The following KCNK2 variants were observed in gnomAD, a reference collection of about 807,000 sequenced individuals.
KCNK2 encodes the protein potassium channel subfamily K member 2.
KCNK2 carries 21 observed loss-of-function variants against 40.5 expected under a neutral mutation model. That is an observed-to-expected ratio of 0.52 (90% confidence interval 0.37 to 0.75). The LOEUF is 0.75. Ranked by LOEUF, KCNK2 falls within the 30% of genes least tolerant of loss-of-function variation. The pLI is 0.00. For missense variants in KCNK2, 399 were observed against 531.6 expected, an observed-to-expected ratio of 0.75 and a Z score of 2.45; for synonymous variants, 191 against 202.2, an observed-to-expected ratio of 0.94 and a Z score of 0.47.
At chr1:215,169,584 A>T (rs987144988) in intron 4 of KCNK2, among the ~76,000 whole-genome samples, 1 of 152,040 alleles carries the variant, frequency 6.6e-6, no homozygotes, top group African/African-American at 2.4e-5. Context: ...TATAAACAGA[A>T]AAAAGTAGGA....
chr1:215,034,489 A>G (rs1445182840), intron 1 of KCNK2, among the ~76,000 whole-genome samples: 1 of 152,114 alleles, frequency 6.6e-6, no homozygotes, highest in East Asian at 1.9e-4. Flanking sequence ...TAACTTTATA[A>G]GTAACCGTCT....
intron 2 of KCNK2, among the ~76,000 whole-genome samples, chr1:215,089,684 G>A (rs956338996): frequency 6.6e-6 from 1 of 152,122 alleles, no homozygotes. Context: ...AGACAAGGTT[G>A]AGGAGGGGCA....
At chr1:215,128,173 T>C (rs1661517269) in intron 3 of KCNK2, among the ~76,000 whole-genome samples, 1 of 152,264 alleles carries the variant, frequency 6.6e-6, no homozygotes, top group South Asian at 2.1e-4. Flanking sequence ...TTTTCCTTAG[T>C]AGGCATTGTC....
intron 2 of KCNK2, among the ~76,000 whole-genome samples, chr1:215,118,121 G>A (rs529397962): frequency 3.3e-5 from 5 of 152,132 alleles, no homozygotes; most frequent in Non-Finnish European, 7.4e-5. Flanking sequence ...GAAATTCTGA[G>A]CCTGTAAGAG....
At chr1:215,013,170 G>C (rs1246371323) in intron 1 of KCNK2, among the ~76,000 whole-genome samples, 1 of 152,100 alleles carries the variant, frequency 6.6e-6, no homozygotes, top group Admixed American at 6.6e-5. Context: ...AAGATATGAG[G>C]TGTGGGTCAA....
intron 5 of KCNK2, among the ~76,000 whole-genome samples, chr1:215,173,862 G>T (rs1459668991): frequency 6.6e-6 from 1 of 152,150 alleles, no homozygotes; most frequent in Non-Finnish European, 1.5e-5. Flanking sequence ...TGTAGATTCT[G>T]GATATTAGCC....
At chr1:215,092,397 A>G (rs1455608190) in intron 2 of KCNK2, among the ~76,000 whole-genome samples, 1 of 152,128 alleles carries the variant, frequency 6.6e-6, no homozygotes, top group African/African-American at 2.4e-5. Context: ...TCAGTTATAC[A>G]TGCTTTAGTT....
chr1:215,206,046 A>G (rs1665302726), intron 6 of KCNK2, among the ~76,000 whole-genome samples: 1 of 152,146 alleles, frequency 6.6e-6, no homozygotes, highest in Non-Finnish European at 1.5e-5. Flanking sequence ...GTTCAAGTAA[A>G]ATAGAGCAAC....
chr1:215,160,546 G>C (rs1333426085), intron 3 of KCNK2, among the ~76,000 whole-genome samples: 1 of 152,160 alleles, frequency 6.6e-6, no homozygotes, highest in Non-Finnish European at 1.5e-5. Flanking sequence ...TACCCAATTT[G>C]TTGCTAAATC....
In KCNK2 at chr1:215,214,341, C is replaced by T. The variant is rs115426134; in HGVS notation, c.963+19249C>T. Among the ~76,000 whole-genome samples the T allele has an allele frequency of 2.8e-3, 423 of 152,236 alleles. 1 individual carries two copies. Among genetic ancestry groups the T allele is most frequent in the African/African-American group, 9.6e-3 (398 of 41,542 alleles). On this transcript the variant is annotated intron_variant, in intron 6 of 6. Transcript: ENST00000444842. Reference sequence around the variant, plus strand: ...TCTTACAGTAACTCACTCACTATCACGAGAACAGTAAGGGTGAAATCTGTC... The same window carrying T: ...TCTTACAGTAACTCACTCACTATCATGAGAACAGTAAGGGTGAAATCTGTC...
intron 3 of KCNK2, among the ~76,000 whole-genome samples, chr1:215,163,844 C>T (rs1017158126): frequency 1.3e-5 from 2 of 152,044 alleles, no homozygotes; most frequent in Admixed American, 6.6e-5. Flanking sequence ...AGGATTTTTG[C>T]CTCGATGTTC....
intron 2 of KCNK2, among the ~76,000 whole-genome samples, chr1:215,111,338 G>A (rs1329864488): frequency 6.6e-6 from 1 of 152,024 alleles, no homozygotes; most frequent in Non-Finnish European, 1.5e-5. Flanking sequence ...TCACCATTGA[G>A]TATAATGTTA....
rs568448994 is a variant in KCNK2 at position 215,021,800 on chromosome 1, G to T, written c.34+15845G>T. On this transcript the variant is annotated intron_variant, in intron 1 of 6. Coordinates refer to the KCNK2 transcript ENST00000391895. ...CCTGACCTCGTCATCCGCCCGCCTC[G>T]GCCTCCCACGCCTGCTGGGATTACA... Among the ~76,000 whole-genome samples, 6 of 152,012 alleles carry T rather than the reference G, an allele frequency of 3.9e-5. No homozygotes were observed. The East Asian group carries it at 7.8e-4, about 20-fold the overall frequency.
chr1:215,145,939 A>T (rs904501009), intron 3 of KCNK2, among the ~76,000 whole-genome samples: 1 of 152,178 alleles, frequency 6.6e-6, no homozygotes, highest in Non-Finnish European at 1.5e-5. Flanking sequence ...TATTTAAATA[A>T]CACATGAATT....
upstream of KCNK2, among the ~76,000 whole-genome samples, chr1:215,079,940 T>C (rs1017024400): frequency 1.3e-5 from 2 of 152,200 alleles, no homozygotes; most frequent in Non-Finnish European, 2.9e-5. Flanking sequence ...TGTTACAGTC[T>C]GAAATTTTAT....
intron 5 of KCNK2, among the ~76,000 whole-genome samples, chr1:215,183,575 C>G (rs768019335): frequency 7.9e-5 from 12 of 152,202 alleles, no homozygotes; most frequent in Non-Finnish European, 1.6e-4. Context: ...ATATTTCCCA[C>G]TATTACTATT....
chr1:215,137,702 T>C (rs1048046772), intron 3 of KCNK2, among the ~76,000 whole-genome samples: 6 of 152,348 alleles, frequency 3.9e-5, no homozygotes, highest in Admixed American at 6.5e-5. Context: ...AGATGAATGA[T>C]AATAATTGCA....
rs189895994 is a variant in KCNK2 at position 215,190,655 on chromosome 1, G to A, written c.824-4298G>A. Among the ~76,000 whole-genome samples the A allele has an allele frequency of 3.9e-5, 6 of 152,286 alleles. No individual in the cohort carries two copies. In the East Asian group the frequency reaches 1.2e-3, roughly 29 times the overall value. On this transcript the variant is annotated intron_variant, in intron 5 of 6. Transcript: ENST00000444842. ...TGGTCTTTCATTCCTGAGTTCCAAA[G>A]AGACCATGAGAGTGATGGCAATTGG...
intron 6 of KCNK2, among the ~76,000 whole-genome samples, chr1:215,212,016 C>T (rs1005621818): frequency 6.6e-6 from 1 of 151,876 alleles, no homozygotes; most frequent in Non-Finnish European, 1.5e-5. Context: ...GGCAAATAAG[C>T]TACTTAAAAT....
Sources: gnomAD v4.1 joint callset for allele counts (sites outside exome capture counted in the v4.1 genomes callset) on GRCh38, gnomAD v4.1.1 for gene constraint, MANE v1.5 for transcripts, NCBI Gene and HGNC (gene_info 2026-07-23, HGNC 2026-07-21) for gene names.